BTG3: variants seen among roughly 807,000 people sequenced by gnomAD.
BTG3 encodes the protein protein BTG3.
Under a neutral mutation model 25.8 loss-of-function variants are expected in BTG3, and 4 were observed. That is an observed-to-expected ratio of 0.16 (90% CI 0.08 to 0.36). The LOEUF is 0.36. Among genes scored for constraint, BTG3 ranks in the 10% least tolerant of loss-of-function variants. The pLI, the probability that BTG3 is intolerant of heterozygous loss-of-function variation, is 1.00. For missense variants in BTG3, 201 were observed against 304.9 expected, an observed-to-expected ratio of 0.66 and a Z score of 2.54; for synonymous variants, 107 against 99.9, an observed-to-expected ratio of 1.07 and a Z score of -0.42.
In BTG3 at chr21:17,609,061, C is replaced by G; in HGVS notation, c.84G>C (p.Glu28Asp). Reference sequence around the variant, plus strand: ...TTAGGGTCAATTTCTCAGCAAACCTCTCAACTGCCTCTTTTTTCAACTTAT... The same window carrying G: ...TTAGGGTCAATTTCTCAGCAAACCTGTCAACTGCCTCTTTTTTCAACTTAT... ...KHDKLKKEAV[E>D]RFAEKLTLIL... The change falls in exon 2 of 5, where the codon GAG becomes GAC. Residue 28 changes from glutamate (E) to aspartate (D), a missense_variant. By Grantham distance (45) the Glu-to-Asp change is conservative. Around this residue, in one of 2 missense-constraint regions of BTG3, gnomAD observed 70 missense variants for 175.7 expected, o/e 0.40. Coordinates refer to ENST00000348354, the MANE Select transcript of BTG3 (RefSeq NM_006806.5). 2 of 1,614,116 alleles carry G rather than the reference C, an allele frequency of 1.2e-6. No homozygotes were observed. Among genetic ancestry groups the G allele is most frequent in the South Asian group, 2.2e-5 (2 of 91,072 alleles).
chr21:17,599,417 A>C (rs9976768), intron 3 of BTG3, among the ~76,000 whole-genome samples: 12,641 of 150,890 alleles, frequency 0.084, 632 homozygotes, highest in African/African-American at 0.12. Flanking sequence ...TAGGCTCAAG[A>C]GATCCACCCA....
chr21:17,605,155 G>GTGAA, intron 2 of BTG3, 158 bp from the exon 3 acceptor site: 1 of 814,382 alleles, frequency 1.2e-6, no homozygotes, highest in Non-Finnish European at 1.8e-6. Flanking sequence ...GATAATAAAT[G>GTGAA]TGAACTACAG....
At chr21:17,606,099 TAAC>T (rs1184432521) in intron 2 of BTG3, among the ~76,000 whole-genome samples, 4 of 151,988 alleles carry the variant, frequency 2.6e-5, no homozygotes, top group Non-Finnish European at 4.4e-5. Flanking sequence ...ATAATAATAT[TAAC>T]AATAATAAGC....
intron 3 of BTG3, among the ~76,000 whole-genome samples, chr21:17,601,614 T>C (rs182505546): frequency 3.9e-5 from 6 of 152,338 alleles, no homozygotes; most frequent in Admixed American, 3.9e-4. Context: ...CAAGTTTACT[T>C]AGCATAAGGT....
At chr21:17,598,296 T>C (rs2061529777) in intron 4 of BTG3, among the ~76,000 whole-genome samples, 1 of 152,158 alleles carries the variant, frequency 6.6e-6, no homozygotes, top group Admixed American at 6.5e-5. Context: ...AAGTGTTACA[T>C]ACTACAAAAA....
intron 1 of BTG3, 106 bp from the exon 2 acceptor site, chr21:17,609,258 A>T: frequency 1.8e-6 from 2 of 1,082,402 alleles, no homozygotes; most frequent in Non-Finnish European, 2.6e-6. Flanking sequence ...CCTCCTTCCA[A>T]TTTTATCTTG....
rs1021129305 is a variant in BTG3 at position 17,593,978 on chromosome 21, G to C, written c.*115C>G. The stretch of plus-strand genomic sequence containing the variant: ...CAATAACTTCTATAAAAATAAGTTT[G>C]ATGGTTTGGCCCATCTAACTTCACT... On this transcript the variant is annotated 3_prime_UTR_variant, in exon 5 of 5. Transcript: ENST00000348354. The C allele has an allele frequency of 3.6e-5, 44 of 1,214,734 alleles. No individual in the cohort carries two copies. The African/African-American group carries it at 6.5e-4, about 18-fold the overall frequency. 75.2% of individuals were successfully genotyped at this position (1,214,734 alleles called of 1,614,324 possible). A position where few individuals can be genotyped will look rare whatever the true frequency, so the allele number is the denominator to read the frequency against.
At chr21:17,601,836 C>T (rs1023674942) in intron 3 of BTG3, among the ~76,000 whole-genome samples, 6 of 152,292 alleles carry the variant, frequency 3.9e-5, no homozygotes, top group African/African-American at 1.4e-4. Flanking sequence ...GAAACCTCAA[C>T]CAAGGGCAAA....
At chr21:17,602,011 T>A (rs1260980192) in intron 3 of BTG3, among the ~76,000 whole-genome samples, 2 of 152,190 alleles carry the variant, frequency 1.3e-5, no homozygotes, top group African/African-American at 4.8e-5. Flanking sequence ...GTCGATATCT[T>A]AGGAGAATTA....
chr21:17,603,684 A>G (rs1321679593), intron 3 of BTG3, among the ~76,000 whole-genome samples: 1 of 152,174 alleles, frequency 6.6e-6, no homozygotes, highest in Non-Finnish European at 1.5e-5. Context: ...GCCACAGGAA[A>G]ATTCTTGCAG....
At chr21:17,599,115 C>T (rs1223264418) in intron 3 of BTG3, 1 of 295,464 alleles carries the variant, frequency 3.4e-6, no homozygotes, top group East Asian at 6.6e-5. Flanking sequence ...CAAAAAAAGT[C>T]CATTGTTTTG....
chr21:17,607,730 C>T (rs966848028), intron 2 of BTG3, among the ~76,000 whole-genome samples: 3 of 152,184 alleles, frequency 2.0e-5, no homozygotes, highest in Non-Finnish European at 4.4e-5. Flanking sequence ...TCAATATACA[C>T]AAATAAAAGA....
chr21:17,600,141 TA>T (rs982777130), intron 3 of BTG3, among the ~76,000 whole-genome samples: 19 of 151,548 alleles, frequency 1.3e-4, no homozygotes, highest in East Asian at 3.9e-4. Flanking sequence ...GCTGGTTACT[TA>T]AAAAAAAATT....
chr21:17,612,233 C>T (rs1352613046), intron 1 of BTG3: 1 of 152,262 alleles, frequency 6.6e-6, no homozygotes, highest in East Asian at 1.9e-4. Context: ...ACATCCTCGC[C>T]AGGGTGCGCC....
rs1601075735 is a variant in BTG3, at chr21:17,593,998, T to C, written c.*95A>G. On this transcript the variant is annotated 3_prime_UTR_variant, in exon 5 of 5. Coordinates refer to ENST00000348354, the MANE Select transcript of BTG3 (RefSeq NM_006806.5). ...AGTTTGATGGTTTGGCCCATCTAACTTCACTACTATTAGTAAGAACTTTTA... is the reference window on the plus strand; with the variant it reads ...AGTTTGATGGTTTGGCCCATCTAACCTCACTACTATTAGTAAGAACTTTTA... 7.0e-7 allele frequency: 1 copy of C among 1,432,934 alleles called. No individual in the cohort carries two copies. Among genetic ancestry groups the C allele is most frequent in the East Asian group, 2.4e-5 (1 of 41,996 alleles). The allele number at this position is 1,432,934 out of a possible 1,614,324, so 88.8% of individuals were successfully genotyped here. A position where few individuals can be genotyped will look rare whatever the true frequency, so the allele number is the denominator to read the frequency against.
chr21:17,603,117 TAA>T (rs1429058783), intron 3 of BTG3, among the ~76,000 whole-genome samples: 1 of 152,196 alleles, frequency 6.6e-6, no homozygotes, highest in Non-Finnish European at 1.5e-5. Flanking sequence ...AACTGTGTGT[TAA>T]ATAGGAGCCA....
chr21:17,594,405 A>C, intron 4 of BTG3, 73 bp from the exon 5 acceptor site: 1 of 1,467,078 alleles, frequency 6.8e-7, no homozygotes, highest in Non-Finnish European at 9.1e-7. Context: ...TTCTCATTAA[A>C]GACAAACAAA....
chr21:17,599,051 T>G (rs750484332), intron 3 of BTG3: 9 of 390,892 alleles, frequency 2.3e-5, no homozygotes, highest in Non-Finnish European at 3.6e-5. Flanking sequence ...AACCCCATTT[T>G]CTTTCCCTTA....
In BTG3 at chr21:17,593,884, AACTT is replaced by A; in HGVS notation, c.*205_*208del. The A allele has an allele frequency of 3.2e-6, 2 of 617,220 alleles. No individual in the cohort carries two copies. The highest frequency in any genetic ancestry group is 5.3e-5 in the South Asian group (2 of 37,436). The allele number at this position is 617,220 out of a possible 1,614,324, so 38.2% of individuals were successfully genotyped here. A position where few individuals can be genotyped will look rare whatever the true frequency, so the allele number is the denominator to read the frequency against. ...ATATTAAAAACTTAGGCACTTGACT[AACTT>A]TAATAAAATTTCTCAAACTATATCA... On this transcript the variant is annotated 3_prime_UTR_variant, in exon 5 of 5. Coordinates refer to ENST00000348354, the MANE Select transcript of BTG3 (RefSeq NM_006806.5).
Sources: gnomAD v4.1 joint callset for allele counts (sites outside exome capture counted in the v4.1 genomes callset) on GRCh38, gnomAD v4.1.1 for gene constraint, gnomAD v4.1.1 regional missense constraint, MANE v1.5 for transcripts, NCBI Gene and HGNC (gene_info 2026-07-23, HGNC 2026-07-21) for gene names.